The following SLC20A2 variants were observed in gnomAD, a reference collection of about 807,000 sequenced individuals.
The protein encoded by SLC20A2 is sodium-dependent phosphate transporter 2.
A neutral mutation model predicts 61.0 loss-of-function variants in SLC20A2; 30 were observed. The observed-to-expected ratio is 0.49, with a 90% CI of 0.37 to 0.67. SLC20A2 has a LOEUF of 0.67. SLC20A2 is among the 30% of genes least tolerant of loss of function. SLC20A2 has a pLI of 0.00. For missense variants in SLC20A2, 626 were observed against 866.4 expected (o/e 0.72, Z 3.48); for synonymous variants, 351 against 353.3 (o/e 0.99, Z 0.07).
chr8:42,434,594 A>C (rs181438856), intron 8 of SLC20A2, among the ~76,000 whole-genome samples: 462 of 152,188 alleles, frequency 3.0e-3, no homozygotes, highest in Admixed American at 5.9e-3. Flanking sequence ...TCTCTGAGAG[A>C]CACCCGCCCC....
At chr8:42,482,082 GA>G (rs1808593955) in intron 1 of SLC20A2, among the ~76,000 whole-genome samples, 1 of 152,212 alleles carries the variant, frequency 6.6e-6, no homozygotes, top group African/African-American at 2.4e-5. Context: ...AAAGTTAGAG[GA>G]GTTAGGATGA....
intron 1 of SLC20A2, chr8:42,541,098 C>T (rs1380767436): frequency 6.6e-6 from 1 of 152,246 alleles, no homozygotes; most frequent in Non-Finnish European, 1.5e-5. Context: ...CTCTGCGCCG[C>T]CCGGCTACAT....
At chr8:42,475,994 G>A (rs970988842) in intron 1 of SLC20A2, among the ~76,000 whole-genome samples, 3 of 149,268 alleles carry the variant, frequency 2.0e-5, no homozygotes, top group Admixed American at 2.0e-4. Context: ...CTTCTCTTTT[G>A]CATTGTTTTT....
chr8:42,440,052 T>C (rs1166378561), intron 6 of SLC20A2, among the ~76,000 whole-genome samples: 4 of 149,836 alleles, frequency 2.7e-5, no homozygotes, highest in Admixed American at 2.7e-4. Context: ...GCCACTGCGC[T>C]CCAGCCTGGG....
At chr8:42,496,282 T>C (rs549462541) in intron 1 of SLC20A2, among the ~76,000 whole-genome samples, 138 of 152,316 alleles carry the variant, frequency 9.1e-4, no homozygotes, top group African/African-American at 3.1e-3. Flanking sequence ...GGTTTTATTG[T>C]CCTAAATGCT....
chr8:42,527,381 G>GA (rs35081913), intron 1 of SLC20A2, among the ~76,000 whole-genome samples: 27 of 147,170 alleles, frequency 1.8e-4, no homozygotes, highest in East Asian at 1.4e-3. Flanking sequence ...CAAAATTAAG[G>GA]AAAAAAAAAA....
chr8:42,540,137 C>CA (rs1812994685), intron 1 of SLC20A2, among the ~76,000 whole-genome samples: 2 of 152,078 alleles, frequency 1.3e-5, no homozygotes, highest in South Asian at 4.1e-4. Context: ...ACTAAAAATA[C>CA]AAAACTTAGC....
chr8:42,430,393 T>C (rs1469270310), intron 8 of SLC20A2, 144 bp from the exon 9 acceptor site: 7 of 736,796 alleles, frequency 9.5e-6, no homozygotes, highest in Non-Finnish European at 1.5e-5. Flanking sequence ...GACAGAGTCT[T>C]GCTCTGTTGC....
chr8:42,508,303 AC>A (rs1195498366), intron 1 of SLC20A2, among the ~76,000 whole-genome samples: 1 of 152,124 alleles, frequency 6.6e-6, no homozygotes, highest in Non-Finnish European at 1.5e-5. Flanking sequence ...CCATATTGAG[AC>A]CCTATCTCCA....
chr8:42,420,765 G>A (rs1802985829), intron 10 of SLC20A2, among the ~76,000 whole-genome samples: 1 of 152,146 alleles, frequency 6.6e-6, no homozygotes, highest in Non-Finnish European at 1.5e-5. Flanking sequence ...GAGGCATTAA[G>A]TACAATCACA....
At position 42,447,478 on chromosome 8, in the gene SLC20A2, C is replaced by G. The variant is rs566802733; in HGVS notation, c.614-2716G>C. ...AGATCACAAGGTCAGGAGATGGAGA[C>G]CATCCTGGCTAACACGGTGAAACCC... On this transcript the variant is annotated intron_variant, in intron 5 of 10. Coordinates refer to ENST00000520262, the MANE Select transcript of SLC20A2 (RefSeq NM_001257180.2). 9.9e-5 allele frequency among the ~76,000 whole-genome samples: 15 copies of G among 152,170 alleles called. No individual in the cohort carries two copies. In the South Asian group the frequency reaches 1.7e-3, roughly 17 times the overall value.
chr8:42,517,277 A>C (rs982764511), intron 1 of SLC20A2, among the ~76,000 whole-genome samples: 2 of 151,456 alleles, frequency 1.3e-5, no homozygotes, highest in Admixed American at 6.6e-5. Flanking sequence ...GTGAGGTGGG[A>C]GGATCACCTG....
At chr8:42,486,557 TTTTTA>T (rs745323890) in intron 1 of SLC20A2, among the ~76,000 whole-genome samples, 4 of 152,212 alleles carry the variant, frequency 2.6e-5, no homozygotes, top group Non-Finnish European at 4.4e-5. Flanking sequence ...TGTGGCAGTG[TTTTTA>T]TTTTGTCTTC....
intron 3 of SLC20A2, among the ~76,000 whole-genome samples, chr8:42,463,992 T>C (rs1806912265): frequency 6.6e-6 from 1 of 151,086 alleles, no homozygotes; most frequent in Non-Finnish European, 1.5e-5. Context: ...AGACACCTGA[T>C]AATGGGTGCA....
chr8:42,524,160 AT>A (rs1172391094), intron 1 of SLC20A2, among the ~76,000 whole-genome samples: 1 of 152,230 alleles, frequency 6.6e-6, no homozygotes, highest in Non-Finnish European at 1.5e-5. Context: ...CTAAAGCCAC[AT>A]TTTAATTCAT....
At chr8:42,426,953 GAGA>G (rs1037125196) in intron 10 of SLC20A2, among the ~76,000 whole-genome samples, 9 of 152,232 alleles carry the variant, frequency 5.9e-5, no homozygotes, top group African/African-American at 2.2e-4. Flanking sequence ...GTGGAGTCCA[GAGA>G]AGATGTCACT....
chr8:42,528,328 G>A (rs909437228), intron 1 of SLC20A2, among the ~76,000 whole-genome samples: 1 of 152,060 alleles, frequency 6.6e-6, no homozygotes, highest in East Asian at 1.9e-4. Flanking sequence ...CGGGCGTAGT[G>A]GTGGGCACCT....
chr8:42,537,671 C>T (rs1012956442), intron 1 of SLC20A2: 9 of 152,170 alleles, frequency 5.9e-5, no homozygotes, highest in Non-Finnish European at 1.3e-4. Flanking sequence ...GAGATTCAAA[C>T]TTCAGTTTCT....
At chr8:42,531,622 A>G (rs149204569) in intron 1 of SLC20A2, among the ~76,000 whole-genome samples, 1,946 of 152,288 alleles carry the variant, frequency 0.013, 15 homozygotes, top group Non-Finnish European at 0.02. Context: ...CATTTTCACA[A>G]TGCTACAACT....
Sources: allele counts gnomAD v4.1 joint callset (sites outside exome capture counted in the v4.1 genomes callset), GRCh38; gene constraint gnomAD v4.1.1; transcripts MANE v1.5; gene names NCBI Gene and HGNC (gene_info 2026-07-23, HGNC 2026-07-21).